The following UNC13A variants were observed in gnomAD, a reference collection of about 807,000 sequenced individuals.
UNC13A encodes protein unc-13 homolog A.
A neutral mutation model predicts 219.7 loss-of-function variants in UNC13A; 61 were observed. That is an observed-to-expected ratio of 0.28 (90% confidence interval 0.23 to 0.34). The LOEUF (loss-of-function observed/expected upper bound fraction) is 0.34, where lower values mean the gene tolerates loss of function less well. Ranked by LOEUF, UNC13A falls within the 10% of genes least tolerant of loss-of-function variation. The pLI, the probability that UNC13A is intolerant of heterozygous loss-of-function variation, is 1.00. For synonymous variants in UNC13A, 920 were observed against 884.6 expected (o/e 1.04, Z -0.71); for missense variants, 1,476 against 2,270.3 (o/e 0.65, Z 7.11).
chr19:17,609,331 G>A (rs954936055), intron 43 of UNC13A, among the ~76,000 whole-genome samples: 1 of 151,556 alleles, frequency 6.6e-6, no homozygotes, highest in Admixed American at 6.6e-5. Flanking sequence ...CCTGATACCC[G>A]CAGCCTAGGC....
chr19:17,623,473 C>T (rs929060039), intron 36 of UNC13A, 69 bp downstream of exon 36: 3 of 1,338,196 alleles, frequency 2.2e-6, no homozygotes, highest in Admixed American at 2.1e-5. Flanking sequence ...AGGGGTGCAG[C>T]GACGCGGTGG....
At chr19:17,623,369 GC>G (rs2076749227) in intron 36 of UNC13A, 172 bp downstream of exon 36, 4 of 478,690 alleles carry the variant, frequency 8.4e-6, no homozygotes, top group Non-Finnish European at 1.5e-5. Flanking sequence ...TCCCAGCCCC[GC>G]CCCCTCCCCA....
chr19:17,677,923 G>A (rs900542523), intron 1 of UNC13A, among the ~76,000 whole-genome samples: 2 of 152,146 alleles, frequency 1.3e-5, no homozygotes, highest in Admixed American at 1.3e-4. Context: ...AAGACAAATG[G>A]TAGCATTCGA....
At chr19:17,687,013 G>A (rs1051310214) in intron 1 of UNC13A, among the ~76,000 whole-genome samples, 1 of 152,178 alleles carries the variant, frequency 6.6e-6, no homozygotes, top group African/African-American at 2.4e-5. Context: ...TGGGAGTGAC[G>A]GGGGGACCCC....
In UNC13A at chr19:17,605,923, G is replaced by A; in HGVS notation, c.*131C>T. The A allele has an allele frequency of 4.7e-6, 4 of 851,474 alleles. No homozygotes were observed. Among genetic ancestry groups the A allele is most frequent in the Admixed American group, 4.3e-5 (1 of 23,416 alleles). The allele number at this position is 851,474 out of a possible 1,614,324, so 52.7% of individuals were successfully genotyped here. ...AAGGGAAAGCTGAGTCAAGGGCGTAGGCGCAGCCCACCCTTGGCGTGGAGC... is the reference window on the plus strand; with the variant it reads ...AAGGGAAAGCTGAGTCAAGGGCGTAAGCGCAGCCCACCCTTGGCGTGGAGC... On this transcript the variant is annotated 3_prime_UTR_variant, in exon 44 of 44. Transcript: ENST00000519716.
chr19:17,633,023 T>C (rs770505697), intron 27 of UNC13A, 85 bp downstream of exon 27: 17 of 1,606,766 alleles, frequency 1.1e-5, no homozygotes, highest in Non-Finnish European at 1.4e-5. Context: ...GAGGGTATTA[T>C]AGGGTGCTCA....
chr19:17,637,294 G>T (rs943708377), intron 25 of UNC13A, among the ~76,000 whole-genome samples: 1 of 132,340 alleles, frequency 7.6e-6, no homozygotes, highest in Non-Finnish European at 1.6e-5. Context: ...AATTTGTCAA[G>T]AACAATTTTT....
At chr19:17,652,815 A>G in intron 11 of UNC13A, 138 bp from the exon 12 acceptor site, 1 of 883,050 alleles carries the variant, frequency 1.1e-6, no homozygotes. Flanking sequence ...TGATTTTAGG[A>G]AGCTCCGTGG....
rs1417809465 is a variant in UNC13A, at chr19:17,605,013, G to A, written c.*1041C>T. 1 of 152,664 alleles carries A rather than the reference G, an allele frequency of 6.6e-6. No individual in the cohort carries two copies. Among genetic ancestry groups the A allele is most frequent in the Non-Finnish European group, 1.5e-5 (1 of 68,056 alleles). The allele number at this position is 152,664 out of a possible 1,614,324, so 9.5% of individuals were successfully genotyped here. On this transcript the variant is annotated 3_prime_UTR_variant, in exon 44 of 44. Transcript: ENST00000519716. ...GATCCCAAATTCTCTTTTGTGGTGG[G>A]AGGCCCTCATGGCATCCCCCATGGA...
intron 1 of UNC13A, among the ~76,000 whole-genome samples, chr19:17,682,750 T>G (rs1402468123): frequency 6.6e-6 from 1 of 152,148 alleles, no homozygotes; most frequent in Non-Finnish European, 1.5e-5. Context: ...CATGTCTGTT[T>G]ACTAGATGCA....
At chr19:17,628,310 G>A in intron 31 of UNC13A, 1 of 206,092 alleles carries the variant, frequency 4.9e-6, no homozygotes. Flanking sequence ...CACACTGAAG[G>A]CGTGTGCCCT....
At chr19:17,648,347 C>T in intron 16 of UNC13A, 84 bp downstream of exon 16, 2 of 1,357,800 alleles carry the variant, frequency 1.5e-6, no homozygotes, top group Non-Finnish European at 1.9e-6. Context: ...CACCCATCGC[C>T]TTGCCCTTCA....
intron 28 of UNC13A, 109 bp downstream of exon 28, chr19:17,632,673 C>T (rs1327819403): frequency 6.6e-7 from 1 of 1,521,888 alleles, no homozygotes; most frequent in African/African-American, 1.4e-5. Context: ...CCCACCCATG[C>T]CCCTGATGCC....
At chr19:17,620,186 C>T (rs1178128978) in intron 38 of UNC13A, among the ~76,000 whole-genome samples, 1 of 151,928 alleles carries the variant, frequency 6.6e-6, no homozygotes, top group Non-Finnish European at 1.5e-5. Flanking sequence ...CAGGGTGGGG[C>T]TGAGTATTGA....
chr19:17,688,121 A>G, intron 1 of UNC13A, 57 bp downstream of exon 1: 1 of 1,502,878 alleles, frequency 6.7e-7, no homozygotes, highest in Non-Finnish European at 8.9e-7. Context: ...ATCCACGCGG[A>G]CCCCGACCCC....
rs758573882 is a variant in UNC13A, at chr19:17,630,292, C to T, written c.3526-4G>A. Reference sequence around the variant, plus strand: ...CATGCTCTGAGGTCTGCTGGAACTGCAGGGGGAAGGAGGCCAAGAGGAAGG... The same window carrying T: ...CATGCTCTGAGGTCTGCTGGAACTGTAGGGGGAAGGAGGCCAAGAGGAAGG... On this transcript the variant is annotated splice_region_variant and splice_polypyrimidine_tract_variant and intron_variant, in intron 29 of 43. Transcript: ENST00000519716. The T allele has an allele frequency of 1.1e-5, 17 of 1,561,258 alleles. No homozygotes were observed. Among genetic ancestry groups the T allele is most frequent in the South Asian group, 4.7e-5 (4 of 84,500 alleles).
chr19:17,625,488 C>T (rs1428745646), intron 34 of UNC13A, among the ~76,000 whole-genome samples: 2 of 152,082 alleles, frequency 1.3e-5, no homozygotes, highest in Admixed American at 6.6e-5. Context: ...ACCAATCCAT[C>T]CCTCCCCCAG....
chr19:17,614,853 T>C (rs2076645431), intron 41 of UNC13A, among the ~76,000 whole-genome samples: 2 of 152,006 alleles, frequency 1.3e-5, no homozygotes, highest in South Asian at 4.2e-4. Flanking sequence ...CGATGCTTCA[T>C]AGCAAGCTCA....
Position 17,621,827 on chromosome 19 carries a change from A to G in UNC13A, c.4242+5T>C. On this transcript the variant is annotated splice_donor_5th_base_variant and intron_variant, in intron 37 of 43. Coordinates refer to ENST00000519716, the MANE Select transcript of UNC13A (RefSeq NM_001080421.3). ...AGGGCCTCAGTGAGACGAGGCCCTC[A>G]TTACCTTTTCTAATCCCTTGCCATG... 1 of 1,613,940 alleles carries G rather than the reference A, an allele frequency of 6.2e-7. No individual in the cohort carries two copies. Among genetic ancestry groups the G allele is most frequent in the Non-Finnish European group, 8.5e-7 (1 of 1,179,864 alleles).
Sources: gnomAD v4.1 joint callset for allele counts (sites outside exome capture counted in the v4.1 genomes callset) on GRCh38, gnomAD v4.1.1 for gene constraint, MANE v1.5 for transcripts, NCBI Gene and HGNC (gene_info 2026-07-23, HGNC 2026-07-21) for gene names.